UCKL1: variants seen among roughly 807,000 people sequenced by gnomAD.
UCKL1 encodes the protein uridine-cytidine kinase 1 like 1, also known as uridine-cytidine kinase-like 1.
In UCKL1, 65 loss-of-function variants were observed where a neutral mutation model predicts 59.2. That is an observed-to-expected ratio of 1.10 (90% CI 0.90 to 1.35). The LOEUF (loss-of-function observed/expected upper bound fraction) is 1.35. UCKL1 is among the 40% of genes most tolerant of loss of function. UCKL1 has a pLI of 0.00. For synonymous variants in UCKL1, 410 were observed against 323.1 expected (o/e 1.27, Z -2.88); for missense variants, 703 against 784.3 (o/e 0.90, Z 1.24).
At position 63,944,699 on chromosome 20, in the gene UCKL1, G is replaced by A. The variant is rs200733827; in HGVS notation, c.690C>T (p.Ser230=). The change falls in exon 6 of 15, where the codon TCC becomes TCT. Residue 230 remains serine (S), a synonymous_variant. Transcript: ENST00000354216. ...LDMKIFVDTD[S]DIRLVRRLRR... is the part of the protein sequence containing the mutation. ...GCAGCCGCCGTACCAGGCGGATGTC[G>A]GAGTCTGTGTCCACAAAGATCTTCA... is the stretch of plus-strand genomic sequence containing the variant. 1.8e-5 allele frequency: 29 copies of A among 1,612,784 alleles called. No homozygotes were observed. The East Asian group carries it at 2.5e-4, about 14-fold the overall frequency.
chr20:63,948,466 G>A (rs2056838582), intron 1 of UCKL1: 1 of 150,954 alleles, frequency 6.6e-6, no homozygotes, highest in Admixed American at 6.6e-5. Flanking sequence ...GGTCAGGGGA[G>A]AAAAGCAAGC....
Position 63,945,655 on chromosome 20 carries a change from A to C in UCKL1, c.650T>G (p.Leu217Trp). 6.2e-7 allele frequency: 1 copy of C among 1,612,928 alleles called. No individual in the cohort carries two copies. Among genetic ancestry groups the C allele is most frequent in the East Asian group, 2.2e-5 (1 of 44,874 alleles). Residue 217 changes from leucine (L) to tryptophan (W), a missense_variant, in exon 5 of 15, where the codon TTG becomes TGG. By Grantham distance (61) the Leu-to-Trp change is moderately conservative. Around this residue, in one of 4 missense-constraint regions of UCKL1, gnomAD observed 398 missense variants for 373.0 expected, o/e 1.07. Coordinates refer to ENST00000354216, the MANE Select transcript of UCKL1 (RefSeq NM_017859.4). ...GIMAFADKTL[L>W]ELLDMKIFVD... ...GTATTCCCGGCGGGTGCTTACCTCC[A>C]ACAGTGTCTTGTCAGCAAAGGCCAT...
Position 63,946,578 on chromosome 20 carries a change from C to T in UCKL1, c.179G>A (p.Arg60Gln), listed in dbSNP as rs774430485. The T allele has an allele frequency of 3.2e-5, 52 of 1,611,548 alleles. No homozygotes were observed. Among genetic ancestry groups the T allele is most frequent in the African/African-American group, 8.0e-5 (6 of 75,058 alleles). Residue 60 changes from arginine to glutamine, a missense_variant, in exon 2 of 15, where the codon CGG becomes CAG. Physicochemically the swap from Arg to Gln is conservative, Grantham distance 43 (BLOSUM62 1). This residue lies in a region of UCKL1 where 398 missense variants were observed against 373.0 expected (regional missense o/e 1.07). Transcript: ENST00000354216. ...CTCTGACTTGCACTGGCTGGTGGTCCGCTTCCGGGGAGAGCGCCCAGTGCC... is the reference window on the plus strand; with the variant it reads ...CTCTGACTTGCACTGGCTGGTGGTCTGCTTCCGGGGAGAGCGCCCAGTGCC... ...PVGTGRSPRK[R>Q]TTSQCKSEPP...
rs749119686 is a variant in UCKL1, at chr20:63,946,440, C to CA, written c.304+12_304+13insT. On this transcript the variant is annotated intron_variant, in intron 2 of 14. Coordinates refer to ENST00000354216, the MANE Select transcript of UCKL1 (RefSeq NM_017859.4). ...GCGTCCGGCAGCAGGTCCCACCCCC[C>CA]CGCTGCTCTCACCGATGGCGAAGGC... 3.6e-5 allele frequency: 56 copies of CA among 1,539,166 alleles called. No homozygotes were observed. The highest frequency in any genetic ancestry group is 4.8e-5 in the Non-Finnish European group (55 of 1,140,912).
chr20:63,943,931 G>A (rs753160905), intron 7 of UCKL1, among the ~76,000 whole-genome samples: 1 of 152,228 alleles, frequency 6.6e-6, no homozygotes, highest in Non-Finnish European at 1.5e-5. Context: ...TAGGGAGTGT[G>A]TTCAGAGCCA....
intron 1 of UCKL1, among the ~76,000 whole-genome samples, chr20:63,949,906 C>T (rs537249425): frequency 3.9e-5 from 6 of 152,390 alleles, no homozygotes; most frequent in South Asian, 2.1e-4. Flanking sequence ...AGACACCAGA[C>T]GGCAGAGGCC....
chr20:63,951,401 C>T (rs2146703361), intron 1 of UCKL1, among the ~76,000 whole-genome samples: 1 of 152,276 alleles, frequency 6.6e-6, no homozygotes, highest in East Asian at 1.9e-4. Context: ...AGTACCCCGG[C>T]CTGCCTGGGG....
Position 63,945,959 on chromosome 20 carries a change from T to C in UCKL1, c.428A>G (p.Gln143Arg), listed in dbSNP as rs1472650220. ...DSFYKVLTEQQQEQAAHNNFN... is the reference protein window; with the variant it reads ...DSFYKVLTEQRQEQAAHNNFN... ...GTTGTTGTGTGCGGCCTGTTCCTGC[T>C]GCTGCTCAGTCAGCACCTGGTGGGG... Residue 143 changes from glutamine to arginine, a missense_variant, in exon 4 of 15, where the codon CAG becomes CGG. This residue lies in a region of UCKL1 where 398 missense variants were observed against 373.0 expected (regional missense o/e 1.07). Coordinates refer to ENST00000354216, the MANE Select transcript of UCKL1 (RefSeq NM_017859.4). 2 of 1,613,790 alleles carry C rather than the reference T, an allele frequency of 1.2e-6. No individual in the cohort carries two copies. The highest frequency in any genetic ancestry group is 3.3e-5 in the Admixed American group (2 of 60,026).
At position 63,945,609 on chromosome 20, in the gene UCKL1, G is replaced by A. The variant is rs111322925; in HGVS notation, c.654+42C>T. 1.2e-3 allele frequency: 1,907 copies of A among 1,605,414 alleles called. 9 individuals carry two copies. Among genetic ancestry groups the A allele is most frequent in the Non-Finnish European group, 1.2e-3 (1,431 of 1,174,140 alleles). On this transcript the variant is annotated intron_variant, in intron 5 of 14. Transcript: ENST00000354216. ...ACACCTCATGGACAGGGCGGCCAGG[G>A]CTGAGATACCAGCGGGGTGGGTATT...
In UCKL1 at chr20:63,940,203, GTGA is replaced by G. The variant is rs1386660335; in HGVS notation, c.1511_1513del (p.Ile504del). On this transcript the variant is annotated inframe_deletion, in exon 14 of 15. Coordinates refer to ENST00000354216, the MANE Select transcript of UCKL1 (RefSeq NM_017859.4). ...ATTGACCCGCTTGTCCACCGCCGTG[GTGA>G]TGATTCTCACTCGCGGAAATGCATA... is the stretch of plus-strand genomic sequence containing the variant. 1 of 1,612,784 alleles carries G rather than the reference GTGA, an allele frequency of 6.2e-7. No individual in the cohort carries two copies. The highest frequency in any genetic ancestry group is 1.7e-5 in the Admixed American group (1 of 60,026).
rs749835159 is a variant in UCKL1, at chr20:63,940,191, TCCA to T, written c.1523_1525del (p.Val508del). Reference sequence around the variant, plus strand: ...GCGGAAAAGGTCATTGACCCGCTTGTCCACCGCCGTGGTGATGATTCTCACTCG... The same window carrying T: ...GCGGAAAAGGTCATTGACCCGCTTGTCCGCCGTGGTGATGATTCTCACTCG... On this transcript the variant is annotated inframe_deletion, in exon 14 of 15. Coordinates refer to ENST00000354216, the MANE Select transcript of UCKL1 (RefSeq NM_017859.4). 11 of 1,612,716 alleles carry T rather than the reference TCCA, an allele frequency of 6.8e-6. No individual in the cohort carries two copies. Among genetic ancestry groups the T allele is most frequent in the Non-Finnish European group, 9.3e-6 (11 of 1,179,970 alleles).
intron 8 of UCKL1, 93 bp from the exon 9 acceptor site, chr20:63,941,301 A>G: frequency 2.1e-6 from 3 of 1,449,632 alleles, no homozygotes; most frequent in South Asian, 2.8e-5. Context: ...TGTGAGGGGA[A>G]CACACGGGCC....
In UCKL1 at chr20:63,944,577, G is replaced by T; in HGVS notation, c.812C>A (p.Thr271Asn). 6.2e-7 allele frequency: 1 copy of T among 1,612,618 alleles called. No individual in the cohort carries two copies. Among genetic ancestry groups the T allele is most frequent in the Non-Finnish European group, 8.5e-7 (1 of 1,179,708 alleles). ...GACCACGATGTCTGCCAGGCGCATGGTGGGCTGGATGTACTGGTCGAAGGA... is the reference window on the plus strand; with the variant it reads ...GACCACGATGTCTGCCAGGCGCATGTTGGGCTGGATGTACTGGTCGAAGGA... ...KPSFDQYIQP[T>N]MRLADIVVPR... is the part of the protein sequence containing the mutation. The change falls in exon 6 of 15, where the codon ACC (threonine) becomes AAC (asparagine). Residue 271 changes from threonine to asparagine, a missense_variant. By Grantham distance (65) the Thr-to-Asn change is moderately conservative. Coordinates refer to ENST00000354216, the MANE Select transcript of UCKL1 (RefSeq NM_017859.4).
At chr20:63,941,412 C>G (rs905052051) in intron 8 of UCKL1, 1 of 729,552 alleles carries the variant, frequency 1.4e-6, no homozygotes, top group Non-Finnish European at 2.3e-6. Context: ...CGAAAGATGG[C>G]GGCGAACAAC....
intron 1 of UCKL1, chr20:63,950,703 A>G: frequency 4.8e-6 from 7 of 1,450,544 alleles, no homozygotes; most frequent in Non-Finnish European, 6.4e-6. Flanking sequence ...CTGAGTGGCC[A>G]GGACCACAGC....
At chr20:63,956,153 G>A in intron 1 of UCKL1, 107 bp downstream of exon 1, 2 of 1,083,770 alleles carry the variant, frequency 1.8e-6, no homozygotes, top group Non-Finnish European at 2.5e-6. Flanking sequence ...TGGCCTCCGG[G>A]AGTGGGGGAC....
intron 8 of UCKL1, 49 bp from the exon 9 acceptor site, chr20:63,941,257 AGC>A: frequency 6.9e-7 from 1 of 1,455,508 alleles, no homozygotes. Context: ...CTTTTCCCAG[AGC>A]CCTCCCTCCC....
chr20:63,945,608 G>T, intron 5 of UCKL1, 43 bp downstream of exon 5: 1 of 1,604,600 alleles, frequency 6.2e-7, no homozygotes, highest in Non-Finnish European at 8.5e-7. Flanking sequence ...GGGCGGCCAG[G>T]GCTGAGATAC....
At chr20:63,948,579 A>AGGGAGGGG (rs1569121185) in intron 1 of UCKL1, 1 of 4,996 alleles carries the variant, frequency 2.0e-4, no homozygotes, top group Non-Finnish European at 5.1e-4. Context: ...GAGGGAGGGG[A>AGGGAGGGG]TGTGTGTGAG....
Sources: allele counts gnomAD v4.1 joint callset (sites outside exome capture counted in the v4.1 genomes callset), GRCh38; gene constraint gnomAD v4.1.1; regional missense constraint gnomAD v4.1.1; transcripts MANE v1.5; gene names NCBI Gene and HGNC (gene_info 2026-07-23, HGNC 2026-07-21).